The following SNRPN variants were observed in gnomAD, a reference collection of about 807,000 sequenced individuals.
The protein encoded by SNRPN is small nuclear ribonucleoprotein-associated protein N.
In SNRPN, 7 loss-of-function variants were observed where a neutral mutation model predicts 25.2. The ratio of observed to expected loss-of-function variants is 0.28; its 90% CI spans 0.16 to 0.52. The LOEUF (loss-of-function observed/expected upper bound fraction) is 0.52, where lower values mean the gene tolerates loss of function less well. Ranked by LOEUF, SNRPN falls within the 20% of genes least tolerant of loss-of-function variation. The probability of loss-of-function intolerance (pLI) is 0.96; values close to 1 mark genes in which losing one functional copy is unlikely to be tolerated. For missense variants in SNRPN, 196 were observed against 322.5 expected, an observed-to-expected ratio of 0.61 and a Z score of 3.00; for synonymous variants, 124 against 110.6, an observed-to-expected ratio of 1.12 and a Z score of -0.76.
intron 2 of SNRPN, among the ~76,000 whole-genome samples, chr15:24,917,154 A>G (rs1168063358): frequency 1.3e-5 from 2 of 152,190 alleles, no homozygotes; most frequent in Admixed American, 1.3e-4. Flanking sequence ...TGTAAGACAG[A>G]AAAGTTCTCC....
chr15:24,907,781 G>A (rs914660873), intron 2 of SNRPN, among the ~76,000 whole-genome samples: 2 of 151,072 alleles, frequency 1.3e-5, no homozygotes, highest in Non-Finnish European at 3.0e-5. Context: ...TAGGCCAGGC[G>A]CGGTGGCTCA....
intron 1 of SNRPN, among the ~76,000 whole-genome samples, chr15:24,885,271 C>T (rs549278441): frequency 6.6e-6 from 1 of 152,258 alleles, no homozygotes; most frequent in African/African-American, 2.4e-5. Context: ...TGGGTTGTGA[C>T]CAGCAAGGAA....
chr15:24,914,129 AACTCTATATCTTGCTTTTCG>A (rs1343290676), intron 2 of SNRPN, among the ~76,000 whole-genome samples: 2 of 152,176 alleles, frequency 1.3e-5, no homozygotes, highest in African/African-American at 4.8e-5. Context: ...TTGTCTTCGC[AACTCTATATCTTGCTTTTCG>A]GCCAGTAAAG....
intron 2 of SNRPN, among the ~76,000 whole-genome samples, chr15:24,847,523 C>T (rs554087497): frequency 6.6e-6 from 1 of 152,164 alleles, no homozygotes; most frequent in African/African-American, 2.4e-5. Flanking sequence ...GCCTGTAATC[C>T]CAACTACTGG....
chr15:24,834,383 C>G (rs1378453253), intron 2 of SNRPN, among the ~76,000 whole-genome samples: 2 of 152,044 alleles, frequency 1.3e-5, no homozygotes, highest in Non-Finnish European at 2.9e-5. Context: ...GACAAAGCAC[C>G]AGTCTTTGGT....
chr15:24,977,404 C>T (rs886626122), intron 7 of SNRPN, among the ~76,000 whole-genome samples: 10 of 152,080 alleles, frequency 6.6e-5, no homozygotes, highest in African/African-American at 9.7e-5. Flanking sequence ...TTTGGGAGGC[C>T]GAGGTGGGCA....
chr15:24,977,914 C>T lies in SNRPN; in HGVS notation c.557C>T (p.Pro186Leu). The change falls in exon 8 of 10, where the codon CCA becomes CTA. Residue 186 changes from proline (P) to leucine (L), a missense_variant and splice_region_variant. Pro to Leu is a moderately conservative substitution (Grantham distance 98, BLOSUM62 -3). Transcript: ENST00000390687. ...PPPVGRATPPPGIMAPPPGMR... is the reference protein window; with the variant it reads ...PPPVGRATPPLGIMAPPPGMR... ...CCCGTCGGCAGAGCAACCCCACCTCCAGGTAAGGGATTGGTGAACACGAAG... is the reference window on the plus strand; with the variant it reads ...CCCGTCGGCAGAGCAACCCCACCTCTAGGTAAGGGATTGGTGAACACGAAG... 1 of 1,560,556 alleles carries T rather than the reference C, an allele frequency of 6.4e-7. No individual in the cohort carries two copies. Among genetic ancestry groups the T allele is most frequent in the Non-Finnish European group, 8.7e-7 (1 of 1,153,958 alleles).
intron 2 of SNRPN, among the ~76,000 whole-genome samples, chr15:24,843,788 A>C (rs201345327): frequency 5.0e-5 from 7 of 139,898 alleles, no homozygotes; most frequent in South Asian, 2.4e-4. Flanking sequence ...CTCCATCACA[A>C]ACACACACAC....
intron 2 of SNRPN, among the ~76,000 whole-genome samples, chr15:24,838,045 T>C (rs1485296318): frequency 6.7e-6 from 1 of 150,038 alleles, no homozygotes; most frequent in Non-Finnish European, 1.5e-5. Flanking sequence ...ATTTATTTTT[T>C]TTTTTTTGAG....
intron 1 of SNRPN, among the ~76,000 whole-genome samples, chr15:24,828,433 T>C (rs1268959054): frequency 2.0e-5 from 3 of 151,960 alleles, no homozygotes; most frequent in African/African-American, 7.3e-5. Flanking sequence ...ACAGCTATTG[T>C]GATAAAATTT....
intron 2 of SNRPN, among the ~76,000 whole-genome samples, chr15:24,847,552 T>C (rs1453054956): frequency 6.6e-6 from 1 of 151,994 alleles, no homozygotes; most frequent in South Asian, 2.1e-4. Context: ...GGCAGGAGAA[T>C]TGCTTGAACC....
chr15:24,835,055 A>ATAG (rs796201242), intron 2 of SNRPN, among the ~76,000 whole-genome samples: 701 of 29,484 alleles, frequency 0.024, 17 homozygotes, highest in Non-Finnish European at 0.03. Flanking sequence ...TATATATAAA[A>ATAG]ATATAGATAT....
At chr15:24,976,211 A>G in intron 5 of SNRPN, 94 bp from the exon 6 acceptor site, 1 of 924,128 alleles carries the variant, frequency 1.1e-6, no homozygotes, top group Admixed American at 2.0e-5. Context: ...GTTTAGCATC[A>G]GTTGTCTTAA....
In SNRPN at chr15:24,930,877, C is replaced by T. The variant is rs1052155763; in HGVS notation, c.-391+10753C>T. ...TTGTGCCACTGTACTCCAGCTTGGG[C>T]GACAAAGCAAGAGTCTGTCTCAGAA... On this transcript the variant is annotated intron_variant, in intron 3 of 11. Coordinates refer to the SNRPN transcript ENST00000400097. Among the ~76,000 whole-genome samples the T allele has an allele frequency of 4.1e-5, 6 of 148,148 alleles. No homozygotes were observed. The South Asian group carries it at 6.4e-4, about 16-fold the overall frequency.
chr15:24,864,460 T>C lies in SNRPN; in HGVS notation c.-579+7744T>C, dbSNP rs571428981. Among the ~76,000 whole-genome samples, 495 of 141,440 alleles carry C rather than the reference T, an allele frequency of 3.5e-3. 2 individuals carry two copies. Among genetic ancestry groups the C allele is most frequent in the African/African-American group, 0.012 (466 of 38,434 alleles). 92.8% of individuals were successfully genotyped at this position (141,440 alleles called of 152,430 possible). On this transcript the variant is annotated intron_variant, in intron 1 of 11. Transcript: ENST00000400097. ...CCGGGTTCAAGCGATTCTCCTGCCT[T>C]AGCCTCCCTAGTAGCTGGGATTACA...
chr15:24,944,642 A>G (rs974821795), intron 3 of SNRPN, among the ~76,000 whole-genome samples: 10 of 152,218 alleles, frequency 6.6e-5, no homozygotes, highest in African/African-American at 2.4e-4. Context: ...CCCAGAACTA[A>G]TTCAGAAAAT....
At chr15:24,880,998 A>C (rs1434144396) in intron 1 of SNRPN, among the ~76,000 whole-genome samples, 1 of 152,176 alleles carries the variant, frequency 6.6e-6, no homozygotes, top group Non-Finnish European at 1.5e-5. Flanking sequence ...ACAAAATTAT[A>C]TTCGCTTTAC....
intron 2 of SNRPN, among the ~76,000 whole-genome samples, chr15:24,915,058 TGGAA>T (rs2059429075): frequency 6.6e-6 from 1 of 151,968 alleles, no homozygotes. Context: ...TGGAAGATGG[TGGAA>T]GATGAACCTG....
chr15:24,855,791 CAAAAAAAAAA>C (rs56081812), upstream of SNRPN, among the ~76,000 whole-genome samples: 6 of 71,992 alleles, frequency 8.3e-5, no homozygotes, highest in Non-Finnish European at 1.5e-4. Context: ...GAATCTGTCT[CAAAAAAAAAA>C]AAAAAAAAAA....
Sources: allele counts gnomAD v4.1 joint callset (sites outside exome capture counted in the v4.1 genomes callset), GRCh38; gene constraint gnomAD v4.1.1; transcripts MANE v1.5; gene names NCBI Gene and HGNC (gene_info 2026-07-23, HGNC 2026-07-21).